BTRC: variants seen among roughly 807,000 people sequenced by gnomAD.
The protein encoded by BTRC is F-box/WD repeat-containing protein 1A.
BTRC carries 42 observed loss-of-function variants against 85.5 expected under a neutral mutation model. The observed-to-expected ratio is 0.49, with a 90% confidence interval of 0.38 to 0.64. The LOEUF is 0.64. Ranked by LOEUF, BTRC falls within the 30% of genes least tolerant of loss-of-function variation. The probability of loss-of-function intolerance (pLI) is 0.00; values close to 1 mark genes in which losing one functional copy is unlikely to be tolerated. For synonymous variants in BTRC, 255 were observed against 263.3 expected (o/e 0.97, Z 0.30); for missense variants, 594 against 743.5 (o/e 0.80, Z 2.34).
At chr10:101,366,812 A>T (rs1428103123) in intron 1 of BTRC, among the ~76,000 whole-genome samples, 2 of 55,386 alleles carry the variant, frequency 3.6e-5, no homozygotes, top group East Asian at 4.9e-4. Context: ...ATATATATTT[A>T]TATATATTAA....
At chr10:101,516,244 G>C (rs1166583014) in intron 4 of BTRC, among the ~76,000 whole-genome samples, 1 of 152,158 alleles carries the variant, frequency 6.6e-6, no homozygotes, top group East Asian at 1.9e-4. Context: ...CTTTTCATGA[G>C]GGTTTTTTAA....
intron 2 of BTRC, among the ~76,000 whole-genome samples, chr10:101,446,489 G>A (rs548553665): frequency 6.6e-6 from 1 of 152,246 alleles, no homozygotes; most frequent in Non-Finnish European, 1.5e-5. Context: ...TTGTGACTAA[G>A]AATTATAATG....
intron 3 of BTRC, among the ~76,000 whole-genome samples, chr10:101,477,445 CT>C (rs1945719595): frequency 6.6e-6 from 1 of 152,250 alleles, no homozygotes; most frequent in Non-Finnish European, 1.5e-5. Context: ...AATAAGTTTG[CT>C]TTTCATAAAG....
rs1427541315 is a variant in BTRC at position 101,362,287 on chromosome 10, T to G, written c.48+8059T>G. Among the ~76,000 whole-genome samples, 3 of 151,670 alleles carry G rather than the reference T, an allele frequency of 2.0e-5. No individual in the cohort carries two copies. The East Asian group carries it at 5.9e-4, about 30-fold the overall frequency. ...TTGGAATTTCTTTCTAAAGTCTTGC[T>G]CCTTTCTGTAGTTTGGCTTTCCTTT... On this transcript the variant is annotated intron_variant, in intron 1 of 14. Coordinates refer to ENST00000370187, the MANE Select transcript of BTRC (RefSeq NM_033637.4).
intron 1 of BTRC, among the ~76,000 whole-genome samples, chr10:101,399,021 TG>T: frequency 6.6e-6 from 1 of 152,304 alleles, no homozygotes; most frequent in African/African-American, 2.4e-5. Flanking sequence ...GGTGCCATCT[TG>T]GCTCACTGCA....
At chr10:101,455,362 G>A (rs575040897) in intron 2 of BTRC, among the ~76,000 whole-genome samples, 1 of 152,022 alleles carries the variant, frequency 6.6e-6, no homozygotes, top group African/African-American at 2.4e-5. Context: ...CTAGCTTTGT[G>A]CTGAACCTCT....
intron 2 of BTRC, among the ~76,000 whole-genome samples, chr10:101,447,403 A>G (rs895818438): frequency 2.6e-5 from 4 of 152,160 alleles, no homozygotes; most frequent in African/African-American, 9.7e-5. Context: ...CTGGTTTTGA[A>G]GTCAACTATT....
intron 3 of BTRC, among the ~76,000 whole-genome samples, chr10:101,478,070 C>A (rs560415981): frequency 7.9e-5 from 12 of 152,046 alleles, no homozygotes; most frequent in Non-Finnish European, 1.8e-4. Flanking sequence ...GAGGCCGAGG[C>A]GGGTGGGTCA....
At chr10:101,406,708 GT>G (rs1378353666) in intron 1 of BTRC, among the ~76,000 whole-genome samples, 8 of 151,048 alleles carry the variant, frequency 5.3e-5, no homozygotes, top group Admixed American at 2.6e-4. Context: ...TAATTTTTGT[GT>G]TTTTAATATA....
At chr10:101,479,862 ATTAT>A (rs1480398936) in intron 4 of BTRC, among the ~76,000 whole-genome samples, 1 of 152,206 alleles carries the variant, frequency 6.6e-6, no homozygotes, top group Non-Finnish European at 1.5e-5. Flanking sequence ...TATCACTATT[ATTAT>A]TTATTGAGTG....
chr10:101,366,556 T>A (rs1371921304), intron 1 of BTRC, among the ~76,000 whole-genome samples: 1 of 150,888 alleles, frequency 6.6e-6, no homozygotes, highest in Non-Finnish European at 1.5e-5. Flanking sequence ...AAGAAGAAAG[T>A]TTTGTATTGG....
intron 1 of BTRC, among the ~76,000 whole-genome samples, chr10:101,363,514 A>G (rs1282247917): frequency 6.6e-6 from 1 of 151,926 alleles, no homozygotes; most frequent in Non-Finnish European, 1.5e-5. Flanking sequence ...GCTGGAGTGC[A>G]GTAGCGCAAT....
intron 2 of BTRC, among the ~76,000 whole-genome samples, chr10:101,442,455 G>C (rs1944713013): frequency 6.6e-6 from 1 of 152,052 alleles, no homozygotes; most frequent in African/African-American, 2.4e-5. Flanking sequence ...CGTGACCTCA[G>C]TCTAACCCCA....
chr10:101,516,618 A>G (rs890527241), intron 4 of BTRC, among the ~76,000 whole-genome samples: 1 of 152,222 alleles, frequency 6.6e-6, no homozygotes, highest in African/African-American at 2.4e-5. Flanking sequence ...CTAATAACCA[A>G]ATGTGTAATT....
intron 1 of BTRC, among the ~76,000 whole-genome samples, chr10:101,370,817 C>G (rs180678188): frequency 1.3e-5 from 2 of 152,182 alleles, no homozygotes; most frequent in Admixed American, 1.3e-4. Flanking sequence ...AGTGATTCAC[C>G]TGCCTCTGCC....
intron 1 of BTRC, among the ~76,000 whole-genome samples, chr10:101,428,949 A>C (rs1944329454): frequency 6.6e-6 from 1 of 152,174 alleles, no homozygotes; most frequent in Non-Finnish European, 1.5e-5. Flanking sequence ...CACAGGCACA[A>C]ACCTCTTGCA....
intron 2 of BTRC, among the ~76,000 whole-genome samples, chr10:101,432,135 T>C (rs540817900): frequency 7.2e-4 from 44 of 61,130 alleles, no homozygotes; most frequent in South Asian, 7.1e-3. Flanking sequence ...TTTTTTTTCC[T>C]TTTTTTTTTT....
rs1203668650 is a variant in BTRC at position 101,406,180 on chromosome 10, C to CT, written c.49-24151dup. On this transcript the variant is annotated intron_variant, in intron 1 of 14. Coordinates refer to ENST00000370187, the MANE Select transcript of BTRC (RefSeq NM_033637.4). ...ATAGTCCTCTTTATTACTGCTTATA[C>CT]TTTTTTTTTTTTTTGAGATGGAGTC... 1.2e-3 allele frequency among the ~76,000 whole-genome samples: 171 copies of CT among 144,006 alleles called. 1 individual carries two copies. Among genetic ancestry groups the CT allele is most frequent in the Middle Eastern group, 3.7e-3 (1 of 272 alleles). The allele number at this position is 144,006 out of a possible 152,430, so 94.5% of individuals were successfully genotyped here.
chr10:101,444,974 C>T (rs1432099395), intron 2 of BTRC, among the ~76,000 whole-genome samples: 1 of 152,130 alleles, frequency 6.6e-6, no homozygotes, highest in Non-Finnish European at 1.5e-5. Flanking sequence ...GGGCTCTAGA[C>T]ATTTGAAAGA....
Sources: allele counts gnomAD v4.1 joint callset (sites outside exome capture counted in the v4.1 genomes callset), GRCh38; gene constraint gnomAD v4.1.1; transcripts MANE v1.5; gene names NCBI Gene and HGNC (gene_info 2026-07-23, HGNC 2026-07-21).